The following SPAG16 variants were observed in gnomAD, a reference collection of about 807,000 sequenced individuals.
SPAG16 encodes the protein sperm-associated antigen 16 protein.
SPAG16 carries 86 observed loss-of-function variants against 80.4 expected under a neutral mutation model. The ratio of observed to expected loss-of-function variants is 1.07; its 90% CI spans 0.90 to 1.28. SPAG16 has a LOEUF of 1.28. Ranked by LOEUF, SPAG16 falls within the 50% of genes most tolerant of loss-of-function variation. The probability of loss-of-function intolerance (pLI) is 0.00; values close to 1 mark genes in which losing one functional copy is unlikely to be tolerated. For synonymous variants in SPAG16, 294 were observed against 265.9 expected, an observed-to-expected ratio of 1.11 and a Z score of -1.03; for missense variants, 870 against 765.3, an observed-to-expected ratio of 1.14 and a Z score of -1.61.
intron 10 of SPAG16, among the ~76,000 whole-genome samples, chr2:213,573,536 TA>T (rs1309416611): frequency 1.3e-5 from 2 of 152,238 alleles, no homozygotes; most frequent in Non-Finnish European, 2.9e-5. Flanking sequence ...TTTTCAATGC[TA>T]AAAGCTCAGC....
In SPAG16 at chr2:213,902,692, A is replaced by T. The variant is rs553962116; in HGVS notation, c.1215-27268A>T. On this transcript the variant is annotated intron_variant, in intron 11 of 15. Transcript: ENST00000331683. ...TCCAAATCTCACGTCCTCACATTTC[A>T]AAACCAATCATGCCTTCTCAACAGT... Among the ~76,000 whole-genome samples the T allele has an allele frequency of 5.3e-5, 8 of 152,296 alleles. No homozygotes were observed. The East Asian group carries it at 1.5e-3, about 29-fold the overall frequency.
intron 10 of SPAG16, among the ~76,000 whole-genome samples, chr2:213,549,471 T>C (rs996577762): frequency 1.3e-5 from 2 of 152,188 alleles, no homozygotes; most frequent in African/African-American, 4.8e-5. Flanking sequence ...CCTCTGTTTC[T>C]TACTTCTCAC....
intron 10 of SPAG16, among the ~76,000 whole-genome samples, chr2:213,600,252 C>G (rs1001592137): frequency 5.3e-5 from 8 of 152,172 alleles, no homozygotes; most frequent in African/African-American, 1.9e-4. Flanking sequence ...TTCAAGAAAC[C>G]TAACACATAC....
chr2:213,482,356 T>G (rs572860612), intron 9 of SPAG16, among the ~76,000 whole-genome samples: 1 of 152,310 alleles, frequency 6.6e-6, no homozygotes, highest in African/African-American at 2.4e-5. Context: ...GAACTGACAT[T>G]TGTAAATAAC....
chr2:213,850,386 A>G (rs981761560), intron 10 of SPAG16, among the ~76,000 whole-genome samples: 1 of 152,246 alleles, frequency 6.6e-6, no homozygotes, highest in African/African-American at 2.4e-5. Flanking sequence ...AACTTCAAAA[A>G]TGAAAAGCTA....
chr2:214,040,321 CA>C (rs1473407585), intron 13 of SPAG16, among the ~76,000 whole-genome samples: 1 of 152,056 alleles, frequency 6.6e-6, no homozygotes, highest in Non-Finnish European at 1.5e-5. Flanking sequence ...ATTTTAAGTT[CA>C]GGGGTGTAAG....
At chr2:213,795,876 T>G (rs1434696719) in intron 10 of SPAG16, among the ~76,000 whole-genome samples, 1 of 152,224 alleles carries the variant, frequency 6.6e-6, no homozygotes, top group Non-Finnish European at 1.5e-5. Flanking sequence ...GAAGCCACTA[T>G]GCTTTCTGTA....
At chr2:213,575,533 T>G (rs1426836228) in intron 10 of SPAG16, among the ~76,000 whole-genome samples, 1 of 152,164 alleles carries the variant, frequency 6.6e-6, no homozygotes, top group Non-Finnish European at 1.5e-5. Flanking sequence ...AAAGGAGGTT[T>G]GTTTATAATG....
intron 15 of SPAG16, among the ~76,000 whole-genome samples, chr2:214,293,587 T>G (rs1268489104): frequency 6.6e-6 from 1 of 152,220 alleles, no homozygotes; most frequent in Admixed American, 6.5e-5. Flanking sequence ...ACTAGCAGAA[T>G]GCTCAGGTTG....
chr2:213,560,334 A>G (rs2059563200), intron 10 of SPAG16, among the ~76,000 whole-genome samples: 1 of 152,170 alleles, frequency 6.6e-6, no homozygotes, highest in Non-Finnish European at 1.5e-5. Flanking sequence ...CCTTGAACTA[A>G]CAAAAGTCAC....
At chr2:214,100,160 T>C (rs1469018599) in intron 13 of SPAG16, among the ~76,000 whole-genome samples, 1 of 151,956 alleles carries the variant, frequency 6.6e-6, no homozygotes, top group Non-Finnish European at 1.5e-5. Context: ...CACTTCTCTC[T>C]TGCCTGCTGC....
chr2:214,114,200 C>T (rs2053819227), intron 14 of SPAG16, among the ~76,000 whole-genome samples: 1 of 152,184 alleles, frequency 6.6e-6, no homozygotes, highest in Admixed American at 6.5e-5. Context: ...CCTCTGGAAG[C>T]TTTGTCCTAG....
intron 6 of SPAG16, among the ~76,000 whole-genome samples, chr2:213,348,197 G>T (rs1365429450): frequency 3.3e-5 from 5 of 152,108 alleles, no homozygotes; most frequent in African/African-American, 1.2e-4. Context: ...CAGAGACTAG[G>T]ATTGCAACCC....
intron 15 of SPAG16, among the ~76,000 whole-genome samples, chr2:214,361,827 G>A (rs1699203340): frequency 6.6e-6 from 1 of 151,768 alleles, no homozygotes; most frequent in African/African-American, 2.4e-5. Context: ...CAATCATTTT[G>A]CACAGCATTC....
At chr2:213,424,693 G>A (rs1202669511) in intron 9 of SPAG16, among the ~76,000 whole-genome samples, 2 of 152,150 alleles carry the variant, frequency 1.3e-5, no homozygotes, top group African/African-American at 2.4e-5. Context: ...CTGTTGTTCT[G>A]TTTCATACTG....
At position 213,809,802 on chromosome 2, in the gene SPAG16, T is replaced by C. The variant is rs533244302; in HGVS notation, c.1071-52683T>C. Among the ~76,000 whole-genome samples, 30 of 152,340 alleles carry C rather than the reference T, an allele frequency of 2.0e-4. 1 individual carries two copies. Among genetic ancestry groups the C allele is most frequent in the African/African-American group, 6.3e-4 (26 of 41,584 alleles). On this transcript the variant is annotated intron_variant, in intron 10 of 15. Transcript: ENST00000331683. ...TGGTATTGACATGCATGTGTTTATA[T>C]GTAGATGTGCATGTTTTCCTTTAAC...
At chr2:213,727,938 T>C (rs2066847069) in intron 10 of SPAG16, among the ~76,000 whole-genome samples, 1 of 152,090 alleles carries the variant, frequency 6.6e-6, no homozygotes, top group African/African-American at 2.4e-5. Context: ...AACCTCCGTC[T>C]CCTGGGTTCA....
chr2:214,005,692 T>G (rs1324050361), intron 12 of SPAG16, among the ~76,000 whole-genome samples: 1 of 152,202 alleles, frequency 6.6e-6, no homozygotes, highest in Non-Finnish European at 1.5e-5. Context: ...TGATGAATTA[T>G]TTTATATTAT....
In SPAG16 at chr2:213,929,961, G is replaced by A; in HGVS notation, c.1216G>A (p.Gly406Ser). The change falls in exon 12 of 16, where the codon GGC becomes AGC. Residue 406 changes from glycine to serine, a missense_variant and splice_region_variant. Gly to Ser is a moderately conservative substitution (Grantham distance 56, BLOSUM62 0). Coordinates refer to ENST00000331683, the MANE Select transcript of SPAG16 (RefSeq NM_024532.5). ...GTCTTTTTATGTTTTTGCAAATAGTGGCGACAAATTGGCTACTTCAAGTGG... is the reference window on the plus strand; with the variant it reads ...GTCTTTTTATGTTTTTGCAAATAGTAGCGACAAATTGGCTACTTCAAGTGG... ...WLSDCCFHPS[G>S]DKLATSSGDT... The A allele has an allele frequency of 6.3e-7, 1 of 1,599,218 alleles. No individual in the cohort carries two copies. Among genetic ancestry groups the A allele is most frequent in the Non-Finnish European group, 8.5e-7 (1 of 1,174,054 alleles).
Sources: gnomAD v4.1 joint callset for allele counts (sites outside exome capture counted in the v4.1 genomes callset) on GRCh38, gnomAD v4.1.1 for gene constraint, MANE v1.5 for transcripts, NCBI Gene and HGNC (gene_info 2026-07-23, HGNC 2026-07-21) for gene names.